The following ADHFE1 variants were observed in gnomAD, a reference collection of about 807,000 sequenced individuals.
The protein encoded by ADHFE1 is alcohol dehydrogenase iron containing 1.
ADHFE1 carries 37 observed loss-of-function variants against 54.8 expected under a neutral mutation model. That is an observed-to-expected ratio of 0.68 (90% CI 0.52 to 0.89). The LOEUF is 0.89. Among genes scored for constraint, ADHFE1 ranks in the 40% least tolerant of loss-of-function variants. The pLI is 0.00. For synonymous variants in ADHFE1, 203 were observed against 229.3 expected, an observed-to-expected ratio of 0.89 and a Z score of 1.04; for missense variants, 601 against 591.2, an observed-to-expected ratio of 1.02 and a Z score of -0.17.
At chr8:66,442,403 C>T (rs1268807386) in intron 2 of ADHFE1, among the ~76,000 whole-genome samples, 3 of 151,528 alleles carry the variant, frequency 2.0e-5, no homozygotes, top group Non-Finnish European at 4.4e-5. Context: ...CTCCACCTCC[C>T]AGGTTCACAC....
At chr8:66,458,212 G>A (rs1006171864) in intron 12 of ADHFE1, among the ~76,000 whole-genome samples, 6 of 152,182 alleles carry the variant, frequency 3.9e-5, no homozygotes, top group Admixed American at 6.5e-5. Context: ...TTTAGTTAGG[G>A]CAAGAAGGGA....
chr8:66,453,748 G>A, intron 9 of ADHFE1: 1 of 1,386,116 alleles, frequency 7.2e-7, no homozygotes, highest in Non-Finnish European at 9.7e-7. Context: ...AGAAGAATGA[G>A]TCTCAGGGCA....
chr8:66,442,517 T>C (rs976631025), intron 2 of ADHFE1, among the ~76,000 whole-genome samples: 6 of 152,044 alleles, frequency 3.9e-5, no homozygotes, highest in African/African-American at 1.2e-4. Context: ...TCTACCATGT[T>C]AGCCAGGATG....
intron 13 of ADHFE1, among the ~76,000 whole-genome samples, chr8:66,463,931 C>T (rs958495490): frequency 2.0e-5 from 3 of 152,192 alleles, no homozygotes; most frequent in Admixed American, 2.0e-4. Context: ...CTGCCATAGC[C>T]AGGCTGCAAG....
chr8:66,460,154 C>A, intron 12 of ADHFE1, 154 bp from the exon 13 acceptor site: 1 of 922,374 alleles, frequency 1.1e-6, no homozygotes, highest in East Asian at 2.6e-5. Flanking sequence ...CCCCAGCCAA[C>A]TTGGGCCCTC....
chr8:66,465,226 A>G (rs1453647653), intron 13 of ADHFE1, among the ~76,000 whole-genome samples: 1 of 152,214 alleles, frequency 6.6e-6, no homozygotes, highest in Admixed American at 6.5e-5. Context: ...TCTTTGGGGT[A>G]TATACCTAGG....
At chr8:66,448,378 C>T (rs577326985) in intron 7 of ADHFE1, among the ~76,000 whole-genome samples, 7 of 152,286 alleles carry the variant, frequency 4.6e-5, no homozygotes, top group African/African-American at 1.7e-4. Flanking sequence ...CATTTGATCC[C>T]TACAACAGCT....
intron 10 of ADHFE1, among the ~76,000 whole-genome samples, chr8:66,454,502 A>C (rs562947852): frequency 1.3e-5 from 2 of 152,184 alleles, no homozygotes; most frequent in Non-Finnish European, 2.9e-5. Flanking sequence ...TTAATAACAT[A>C]TTTTTAAGGT....
chr8:66,466,574 A>G lies in ADHFE1; in HGVS notation c.1321-1695A>G, dbSNP rs1807203652. Among the ~76,000 whole-genome samples the G allele has an allele frequency of 2.8e-5, 3 of 108,114 alleles. No homozygotes were observed. In the Admixed American group the frequency reaches 3.0e-4, roughly 11 times the overall value. 70.9% of individuals were successfully genotyped at this position (108,114 alleles called of 152,430 possible). A position where few individuals can be genotyped will look rare whatever the true frequency, so the allele number is the denominator to read the frequency against. ...ACAAAACAAATACCTACTGTATACC[A>G]TGCATTGTACGGTATACTAAAAGAA... On this transcript the variant is annotated intron_variant, in intron 13 of 13. Transcript: ENST00000396623.
chr8:66,437,520 A>C (rs1252326068), intron 1 of ADHFE1, among the ~76,000 whole-genome samples: 1 of 152,108 alleles, frequency 6.6e-6, no homozygotes, highest in Non-Finnish European at 1.5e-5. Context: ...CATCCTAAGA[A>C]GGCGGGAACC....
intron 3 of ADHFE1, 57 bp from the exon 4 acceptor site, chr8:66,444,310 A>T (rs543943673): frequency 6.5e-7 from 1 of 1,547,304 alleles, no homozygotes; most frequent in East Asian, 2.2e-5. Context: ...GGTTTTTAGA[A>T]ATGGACTGGC....
Position 66,432,538 on chromosome 8 carries a change from C to A in ADHFE1, c.22C>A (p.Arg8=), listed in dbSNP as rs763322017. The A allele has an allele frequency of 7.4e-7, 1 of 1,358,450 alleles. No homozygotes were observed. Among genetic ancestry groups the A allele is most frequent in the South Asian group, 1.8e-5 (1 of 54,174 alleles). 84.1% of individuals were successfully genotyped at this position (1,358,450 alleles called of 1,614,324 possible). Residue 8 remains arginine (R), a synonymous_variant, in exon 1 of 14, where the codon CGG becomes AGG. Coordinates refer to ENST00000396623, the MANE Select transcript of ADHFE1 (RefSeq NM_144650.3). ...CGCCATGGCCGCTGCCGCCCGAGCCCGGGTCGCGTACTTGCTGAGGCAACT... is the reference window on the plus strand; with the variant it reads ...CGCCATGGCCGCTGCCGCCCGAGCCAGGGTCGCGTACTTGCTGAGGCAACT... MAAAARA[R]VAYLLRQLQR... is the part of the protein sequence containing the mutation.
intron 13 of ADHFE1, among the ~76,000 whole-genome samples, chr8:66,465,845 G>T (rs549684141): frequency 6.6e-6 from 1 of 151,892 alleles, no homozygotes; most frequent in Non-Finnish European, 1.5e-5. Context: ...TGATCCACCC[G>T]CCTCGGCCTC....
chr8:66,453,825 A>G (rs1369119377), intron 9 of ADHFE1: 3 of 1,474,098 alleles, frequency 2.0e-6, no homozygotes, highest in Admixed American at 1.8e-5. Context: ...TTTACATCAC[A>G]TGAGCAGCTG....
At chr8:66,462,592 G>C (rs1806959343) in intron 13 of ADHFE1, among the ~76,000 whole-genome samples, 1 of 152,206 alleles carries the variant, frequency 6.6e-6, no homozygotes, top group African/African-American at 2.4e-5. Context: ...TTATGGCATG[G>C]TCCCAGTGAC....
At chr8:66,443,846 C>T (rs1344954042) in intron 3 of ADHFE1, among the ~76,000 whole-genome samples, 4 of 151,778 alleles carry the variant, frequency 2.6e-5, no homozygotes, top group Non-Finnish European at 5.9e-5. Flanking sequence ...GAAATTTAAA[C>T]ATAACACAGA....
intron 6 of ADHFE1, among the ~76,000 whole-genome samples, chr8:66,445,814 C>G (rs553898764): frequency 6.6e-6 from 1 of 152,310 alleles, no homozygotes; most frequent in South Asian, 2.1e-4. Context: ...TCAACCTTTT[C>G]TTCTACATAA....
At position 66,439,116 on chromosome 8, in the gene ADHFE1, TCTCA is replaced by T; in HGVS notation, c.60-1042_60-1039del. The T allele has an allele frequency of 1.1e-6, 1 of 905,630 alleles. No individual in the cohort carries two copies. Among genetic ancestry groups the T allele is most frequent in the Non-Finnish European group, 1.3e-6 (1 of 757,316 alleles). 56.1% of individuals were successfully genotyped at this position (905,630 alleles called of 1,614,324 possible). On this transcript the variant is annotated intron_variant, in intron 1 of 13. Transcript: ENST00000396623. The surrounding 1 kb of genome is among the most constrained non-coding windows in gnomAD (Gnocchi z 4.4). ...GATGGCAGCCGCGACTCGCGCCAGCTCTCACTCGCCCCCGCGTCTGCTTTGACTT... is the reference window on the plus strand; with the variant it reads ...GATGGCAGCCGCGACTCGCGCCAGCTCTCGCCCCCGCGTCTGCTTTGACTT...
intron 13 of ADHFE1, among the ~76,000 whole-genome samples, chr8:66,460,920 ATCACCAAAT>A (rs1346853555): frequency 6.6e-6 from 1 of 152,224 alleles, no homozygotes; most frequent in Non-Finnish European, 1.5e-5. Context: ...AATTAACACT[ATCACCAAAT>A]TGCTTTCGAT....
Sources: allele counts gnomAD v4.1 joint callset (sites outside exome capture counted in the v4.1 genomes callset), GRCh38; gene constraint gnomAD v4.1.1; non-coding constraint Gnocchi (gnomAD v3.1); transcripts MANE v1.5; gene names NCBI Gene and HGNC (gene_info 2026-07-23, HGNC 2026-07-21).